The following GAB3 variants were observed in gnomAD, a reference collection of about 807,000 sequenced individuals.
GAB3 encodes the protein GRB2 associated binding protein 3, also known as GRB2-associated-binding protein 3.
Under a neutral mutation model 40.4 loss-of-function variants are expected in GAB3, and 12 were observed. The observed-to-expected ratio is 0.30, with a 90% CI of 0.19 to 0.48. GAB3 has a LOEUF of 0.48. GAB3 is among the 20% of genes least tolerant of loss of function. The pLI is 0.99. For synonymous variants in GAB3, 154 were observed against 176.7 expected, an observed-to-expected ratio of 0.87 and a Z score of 1.02; for missense variants, 381 against 461.9, an observed-to-expected ratio of 0.82 and a Z score of 1.61.
intron 4 of GAB3, among the ~76,000 whole-genome samples, chrX:154,711,819 C>T (rs2070952924): frequency 8.9e-6 from 1 of 112,265 alleles, no homozygotes; most frequent in Non-Finnish European, 1.9e-5. Flanking sequence ...GGAGCTCAGA[C>T]TCAGGTGGGA....
At chrX:154,717,125 C>T (rs1228396682) in intron 1 of GAB3, among the ~76,000 whole-genome samples, 2 of 111,382 alleles carry the variant, frequency 1.8e-5, no homozygotes, top group African/African-American at 6.6e-5. Context: ...TGAATTTGAA[C>T]TCAGGTTGGG....
chrX:154,692,534 T>C (rs1174222135), intron 8 of GAB3, among the ~76,000 whole-genome samples: 1 of 112,279 alleles, frequency 8.9e-6, no homozygotes, highest in East Asian at 2.8e-4. Context: ...ACGCCTGTAA[T>C]CTCAGCACTT....
intron 1 of GAB3, among the ~76,000 whole-genome samples, chrX:154,720,486 C>T (rs782145426): frequency 8.2e-5 from 9 of 110,262 alleles, no homozygotes; most frequent in African/African-American, 3.0e-4. Flanking sequence ...ATTAGCCGGG[C>T]GAGGTAGTGG....
rs1557250606 is a variant in GAB3, at chrX:154,696,007, G to C, written c.1440C>G (p.Ser480Arg). The C allele has an allele frequency of 1.1e-5, 13 of 1,168,588 alleles. No homozygotes were observed. The highest frequency in any genetic ancestry group is 1.5e-5 in the Non-Finnish European group (13 of 858,759). Residue 480 changes from serine (S) to arginine (R), a missense_variant, in exon 8 of 10, where the codon AGC (serine) becomes AGG (arginine). Physicochemically the swap from Ser to Arg is moderately radical, Grantham distance 110. Transcript: ENST00000424127. ...TACCATTTCTTTCTGGAGAGAGAAA[G>C]CTGGTTCGACTGCTAAGAATAAAAA... ...RTRTVPCSRT[S>R]FLSPERNGIN...
chrX:154,687,708 A>G (rs1557248220), intron 8 of GAB3, among the ~76,000 whole-genome samples: 1 of 110,575 alleles, frequency 9.0e-6, no homozygotes, highest in African/African-American at 3.3e-5. Context: ...CTAATTATAC[A>G]TGGAAAGGCA....
intron 8 of GAB3, among the ~76,000 whole-genome samples, 197 bp downstream of exon 8, chrX:154,695,720 T>C (rs782259969): frequency 2.9e-4 from 32 of 111,635 alleles, no homozygotes; most frequent in African/African-American, 9.8e-4. Flanking sequence ...GTATGAGGAG[T>C]TGAATGTTGC....
chrX:154,705,747 A>G (rs1327785072), intron 4 of GAB3, among the ~76,000 whole-genome samples: 1 of 111,999 alleles, frequency 8.9e-6, no homozygotes, highest in Non-Finnish European at 1.9e-5. Flanking sequence ...CAGAGCAATC[A>G]GGCAAAAGAA....
intron 1 of GAB3, among the ~76,000 whole-genome samples, chrX:154,745,620 GATA>G (rs1361441334): frequency 1.8e-5 from 2 of 111,766 alleles, no homozygotes; most frequent in Non-Finnish European, 3.8e-5. Context: ...GCATTTAAAG[GATA>G]ATAAGGGAAC....
At chrX:154,723,040 G>A (rs1451474254) in intron 1 of GAB3, among the ~76,000 whole-genome samples, 44 of 110,647 alleles carry the variant, frequency 4.0e-4, no homozygotes, top group East Asian at 8.5e-4. Flanking sequence ...CACCATGCCC[G>A]GCTAATTTTT....
chrX:154,720,626 C>CAAAAAA (rs782047643), intron 1 of GAB3, among the ~76,000 whole-genome samples: 14 of 30,618 alleles, frequency 4.6e-4, no homozygotes, highest in Non-Finnish European at 6.7e-4. Context: ...GACTCCGTCT[C>CAAAAAA]AAAAAAAAAA....
intron 4 of GAB3, among the ~76,000 whole-genome samples, chrX:154,702,463 C>A (rs782750716): frequency 2.7e-5 from 3 of 112,184 alleles, no homozygotes; most frequent in South Asian, 7.3e-4. Flanking sequence ...AAAACTACTA[C>A]AAGAAAACAT....
At chrX:154,702,718 G>A (rs782610177) in intron 4 of GAB3, among the ~76,000 whole-genome samples, 1 of 112,017 alleles carries the variant, frequency 8.9e-6, no homozygotes, top group South Asian at 3.7e-4. Context: ...AACTCTATAG[G>A]AAAAAAGTCT....
At position 154,712,334 on chromosome X, in the gene GAB3, G is replaced by A. The variant is rs781951466; in HGVS notation, c.964C>T (p.Arg322Cys). The A allele has an allele frequency of 6.6e-6, 8 of 1,209,588 alleles. No homozygotes were observed. The Admixed American group carries it at 1.1e-4, about 17-fold the overall frequency. The stretch of plus-strand genomic sequence containing the variant: ...CTGTGTGTACTCCACTCCTCTTGGC[G>A]CCGTTCAGACAGATGGCTTGGCTTA... Reference protein sequence around the residue: ...PPKPSHLSERRQEEWSTHSGS... With the variant: ...PPKPSHLSERCQEEWSTHSGS... Residue 322 changes from arginine (R) to cysteine (C), a missense_variant, in exon 4 of 10, where the codon CGC (arginine) becomes TGC (cysteine). This residue lies in a region of GAB3 where 364 missense variants were observed against 421.0 expected (regional missense o/e 0.86). Coordinates refer to ENST00000424127, the MANE Select transcript of GAB3 (RefSeq NM_001081573.3).
chrX:154,678,779 C>T (rs1192524198), intron 9 of GAB3, among the ~76,000 whole-genome samples: 1 of 111,746 alleles, frequency 8.9e-6, no homozygotes, highest in East Asian at 2.8e-4. Context: ...TCTTTCCTGC[C>T]ACCATGTGAA....
At chrX:154,689,060 A>G (rs1428540989) in intron 8 of GAB3, among the ~76,000 whole-genome samples, 1 of 111,215 alleles carries the variant, frequency 9.0e-6, no homozygotes, top group African/African-American at 3.3e-5. Context: ...CAAAAAGCTT[A>G]TCCACCATGA....
chrX:154,715,991 C>A, intron 2 of GAB3, 35 bp downstream of exon 2: 1 of 1,166,880 alleles, frequency 8.6e-7, no homozygotes, highest in South Asian at 1.9e-5. Flanking sequence ...CCTGGGATAC[C>A]CCTTAGCACA....
intron 4 of GAB3, among the ~76,000 whole-genome samples, chrX:154,706,362 G>A (rs782621343): frequency 6.5e-5 from 7 of 107,152 alleles, no homozygotes; most frequent in Admixed American, 9.9e-5. Context: ...GTTGCAGTGA[G>A]CCAAGATCGC....
chrX:154,703,480 C>A (rs1404043940), intron 4 of GAB3, among the ~76,000 whole-genome samples: 3 of 110,567 alleles, frequency 2.7e-5, no homozygotes, highest in Non-Finnish European at 5.7e-5. Flanking sequence ...TAGAGGGGAG[C>A]AATAGACACT....
chrX:154,715,618 T>A (rs782478929), intron 2 of GAB3, among the ~76,000 whole-genome samples: 3 of 111,924 alleles, frequency 2.7e-5, no homozygotes. Flanking sequence ...TACCATTTAG[T>A]GATGAACAAC....
Sources: allele counts gnomAD v4.1 joint callset (sites outside exome capture counted in the v4.1 genomes callset), GRCh38; gene constraint gnomAD v4.1.1; regional missense constraint gnomAD v4.1.1; transcripts MANE v1.5; gene names NCBI Gene and HGNC (gene_info 2026-07-23, HGNC 2026-07-21).